The following ALK variants were observed in gnomAD, a reference collection of about 807,000 sequenced individuals.
ALK encodes the protein ALK receptor tyrosine kinase.
A neutral mutation model predicts 163.1 loss-of-function variants in ALK; 74 were observed. The ratio of observed to expected loss-of-function variants is 0.45; its 90% CI spans 0.38 to 0.55. The LOEUF is 0.55. ALK is among the 20% of genes least tolerant of loss of function. ALK has a pLI of 0.00. For synonymous variants in ALK, 960 were observed against 843.2 expected (o/e 1.14, Z -2.40); for missense variants, 2,063 against 2,105.3 (o/e 0.98, Z 0.39).
intron 5 of ALK, among the ~76,000 whole-genome samples, chr2:29,365,209 T>C (rs188427730): frequency 4.3e-4 from 66 of 152,334 alleles, no homozygotes; most frequent in African/African-American, 1.6e-3. Context: ...CATAGACTTT[T>C]ACTTAAAATA....
At chr2:29,789,821 T>A (rs1195889885) in intron 1 of ALK, among the ~76,000 whole-genome samples, 2 of 152,202 alleles carry the variant, frequency 1.3e-5, no homozygotes, top group Non-Finnish European at 2.9e-5. Flanking sequence ...GATAATATTA[T>A]TTTTAAGCTT....
chr2:29,660,467 G>A (rs1375363542), intron 3 of ALK, among the ~76,000 whole-genome samples: 1 of 152,036 alleles, frequency 6.6e-6, no homozygotes, highest in Admixed American at 6.6e-5. Context: ...GCCAGCCCCT[G>A]GATGCCAGTC....
At chr2:29,320,977 T>G (rs1216687706) in intron 6 of ALK, 95 bp from the exon 7 acceptor site, 6 of 1,456,510 alleles carry the variant, frequency 4.1e-6, no homozygotes, top group Non-Finnish European at 5.8e-6. Flanking sequence ...GACCAAATTA[T>G]CTTCATTAGT....
chr2:29,905,757 T>G (rs191874983), intron 1 of ALK, among the ~76,000 whole-genome samples: 1 of 152,192 alleles, frequency 6.6e-6, no homozygotes, highest in East Asian at 1.9e-4. Flanking sequence ...GTCAAGCAGA[T>G]GTGTGGGTCC....
chr2:29,841,003 C>T (rs756770009), intron 1 of ALK, among the ~76,000 whole-genome samples: 19 of 152,114 alleles, frequency 1.2e-4, no homozygotes, highest in Non-Finnish European at 2.6e-4. Flanking sequence ...CTGCAGTCAC[C>T]GCTCCAAGTA....
intron 1 of ALK, among the ~76,000 whole-genome samples, chr2:29,838,288 G>A (rs1480306554): frequency 6.6e-6 from 1 of 152,038 alleles, no homozygotes; most frequent in African/African-American, 2.4e-5. Context: ...AAAAAGTTGG[G>A]TCAGAAAAAT....
At chr2:29,342,385 TTG>T (rs1339434650) in intron 5 of ALK, among the ~76,000 whole-genome samples, 1 of 152,182 alleles carries the variant, frequency 6.6e-6, no homozygotes, top group Non-Finnish European at 1.5e-5. Context: ...ATGAGATACC[TTG>T]TGTAGTGAAA....
intron 13 of ALK, among the ~76,000 whole-genome samples, chr2:29,236,017 ATT>A (rs771017409): frequency 2.5e-4 from 31 of 126,060 alleles, no homozygotes; most frequent in Admixed American, 4.0e-4. Context: ...TAATTTTTGT[ATT>A]TTTTTTTTTT....
At chr2:29,778,725 A>C (rs187218570) in intron 1 of ALK, among the ~76,000 whole-genome samples, 86 of 152,292 alleles carry the variant, frequency 5.6e-4, no homozygotes, top group African/African-American at 1.8e-3. Flanking sequence ...CTGTCCATCA[A>C]AAATTGAACA....
At chr2:29,620,279 C>T (rs1430746193) in intron 3 of ALK, among the ~76,000 whole-genome samples, 1 of 151,924 alleles carries the variant, frequency 6.6e-6, no homozygotes, top group Non-Finnish European at 1.5e-5. Context: ...CATTCCAGGC[C>T]CTTCTCCCTG....
intron 3 of ALK, among the ~76,000 whole-genome samples, chr2:29,533,805 C>G (rs897111917): frequency 6.6e-6 from 1 of 152,124 alleles, no homozygotes; most frequent in Non-Finnish European, 1.5e-5. Flanking sequence ...TCTGCAAGAA[C>G]TATCAGCACA....
At chr2:29,686,107 A>G (rs1389447863) in intron 3 of ALK, among the ~76,000 whole-genome samples, 1 of 152,176 alleles carries the variant, frequency 6.6e-6, no homozygotes, top group Non-Finnish European at 1.5e-5. Flanking sequence ...ATAAAGTAAT[A>G]TCTTCACAGG....
intron 3 of ALK, among the ~76,000 whole-genome samples, chr2:29,663,908 A>G (rs1677429355): frequency 6.6e-6 from 1 of 152,144 alleles, no homozygotes. Flanking sequence ...TTGCTCCATG[A>G]TGAAACCACC....
chr2:29,512,164 T>A (rs1672540067), intron 4 of ALK, among the ~76,000 whole-genome samples: 1 of 152,220 alleles, frequency 6.6e-6, no homozygotes, highest in South Asian at 2.1e-4. Flanking sequence ...CTCTTATGTT[T>A]TATTCCAGAA....
chr2:29,384,306 C>T (rs1046060130), intron 4 of ALK, among the ~76,000 whole-genome samples: 2 of 152,130 alleles, frequency 1.3e-5, no homozygotes, highest in African/African-American at 2.4e-5. Flanking sequence ...TAGAAAGTCT[C>T]GGAACCCTCA....
chr2:29,521,061 C>T (rs1237254292), intron 4 of ALK, among the ~76,000 whole-genome samples: 1 of 152,146 alleles, frequency 6.6e-6, no homozygotes, highest in African/African-American at 2.4e-5. Flanking sequence ...GTGGGTTCTC[C>T]TTCACACTCC....
chr2:29,725,653 T>C (rs1215199669), intron 1 of ALK, among the ~76,000 whole-genome samples: 2 of 152,052 alleles, frequency 1.3e-5, no homozygotes, highest in African/African-American at 2.4e-5. Context: ...TTTTTTTTGC[T>C]CATTGATTTA....
intron 4 of ALK, among the ~76,000 whole-genome samples, chr2:29,435,483 G>C (rs552814707): frequency 6.6e-6 from 1 of 152,250 alleles, no homozygotes; most frequent in South Asian, 2.1e-4. Flanking sequence ...CAGGTGCAAT[G>C]CCAGGTGCTT....
chr2:29,739,655 G>A (rs994202214), intron 1 of ALK, among the ~76,000 whole-genome samples: 1 of 151,948 alleles, frequency 6.6e-6, no homozygotes, highest in African/African-American at 2.4e-5. Context: ...ATGTGATTGA[G>A]GCAGGTTAAT....
Sources: gnomAD v4.1 joint callset for allele counts (sites outside exome capture counted in the v4.1 genomes callset) on GRCh38, gnomAD v4.1.1 for gene constraint, MANE v1.5 for transcripts, NCBI Gene and HGNC (gene_info 2026-07-23, HGNC 2026-07-21) for gene names.